Variants in CTNNA3 observed in about 807,000 individuals in gnomAD.
The protein encoded by CTNNA3 is catenin alpha-3.
CTNNA3 carries 76 observed loss-of-function variants against 95.7 expected under a neutral mutation model. The ratio of observed to expected loss-of-function variants is 0.79; its 90% CI spans 0.66 to 0.96. The LOEUF (loss-of-function observed/expected upper bound fraction) is 0.96. Among genes scored for constraint, CTNNA3 ranks in the 40% least tolerant of loss-of-function variants. The probability of loss-of-function intolerance (pLI) is 0.00; values close to 1 mark genes in which losing one functional copy is unlikely to be tolerated. For missense variants in CTNNA3, 1,191 were observed against 1,089.8 expected (o/e 1.09, Z -1.31); for synonymous variants, 431 against 374.4 (o/e 1.15, Z -1.74).
intron 10 of CTNNA3, among the ~76,000 whole-genome samples, chr10:66,526,232 C>T (rs940825787): frequency 6.6e-6 from 1 of 152,134 alleles, no homozygotes; most frequent in African/African-American, 2.4e-5. Flanking sequence ...GTCACCTATG[C>T]TGGAGTGTAG....
At chr10:66,407,816 C>T (rs528323268) in intron 11 of CTNNA3, among the ~76,000 whole-genome samples, 9 of 152,074 alleles carry the variant, frequency 5.9e-5, no homozygotes, top group Non-Finnish European at 8.8e-5. Context: ...CCTGACCTTG[C>T]GATCCACCCG....
intron 9 of CTNNA3, among the ~76,000 whole-genome samples, chr10:66,666,439 A>G (rs889813271): frequency 1.3e-5 from 2 of 152,308 alleles, no homozygotes; most frequent in Non-Finnish European, 2.9e-5. Context: ...AACTTATAAT[A>G]TTTAGCTAAA....
At position 67,567,453 on chromosome 10, in the gene CTNNA3, C is replaced by T. The variant is rs781568182; in HGVS notation, c.293-27784G>A. On this transcript the variant is annotated intron_variant, in intron 3 of 17. Transcript: ENST00000433211. ...ACTTGGAAGGGTGAGAGGGTTAGAGCGGAGAGGATAGTGAGAAATTGGTTA... is the reference window on the plus strand; with the variant it reads ...ACTTGGAAGGGTGAGAGGGTTAGAGTGGAGAGGATAGTGAGAAATTGGTTA... Among the ~76,000 whole-genome samples, 13 of 151,800 alleles carry T rather than the reference C, an allele frequency of 8.6e-5. 1 individual carries two copies. The highest frequency in any genetic ancestry group is 7.9e-4 in the Admixed American group (12 of 15,208).
chr10:66,110,965 A>G (rs1158100261), intron 13 of CTNNA3, among the ~76,000 whole-genome samples: 1 of 152,174 alleles, frequency 6.6e-6, no homozygotes, highest in Non-Finnish European at 1.5e-5. Context: ...ACACAGTGGT[A>G]AATATTTGTG....
chr10:67,752,080 T>C (rs1298712991), intron 1 of CTNNA3, among the ~76,000 whole-genome samples: 3 of 152,168 alleles, frequency 2.0e-5, no homozygotes, highest in Admixed American at 2.0e-4. Flanking sequence ...CTCAATAAAA[T>C]ACTGGCAAAC....
intron 16 of CTNNA3, among the ~76,000 whole-genome samples, chr10:65,970,169 C>T (rs527767214): frequency 3.9e-5 from 6 of 152,172 alleles, no homozygotes; most frequent in African/African-American, 1.4e-4. Context: ...TCATATCCCA[C>T]CAGGCTAAGC....
intron 1 of CTNNA3, among the ~76,000 whole-genome samples, chr10:67,691,677 G>A (rs867403887): frequency 2.3e-4 from 35 of 151,946 alleles, no homozygotes; most frequent in Middle Eastern, 3.4e-3. Context: ...TCTGAGAAGT[G>A]AGGAGCCCCT....
intron 7 of CTNNA3, among the ~76,000 whole-genome samples, chr10:67,058,760 G>A (rs527907428): frequency 6.6e-6 from 1 of 152,256 alleles, no homozygotes; most frequent in South Asian, 2.1e-4. Flanking sequence ...AAGGAATCGT[G>A]ACTAGACTTG....
At chr10:67,142,478 C>T (rs1860614842) in intron 7 of CTNNA3, among the ~76,000 whole-genome samples, 2 of 152,056 alleles carry the variant, frequency 1.3e-5, no homozygotes, top group African/African-American at 4.8e-5. Flanking sequence ...CTGCAGGTTT[C>T]GTATCAGACC....
intron 7 of CTNNA3, among the ~76,000 whole-genome samples, chr10:66,966,485 ATT>A (rs35922630): frequency 2.7e-5 from 4 of 150,684 alleles, no homozygotes; most frequent in African/African-American, 4.9e-5. Flanking sequence ...TATGTAATAT[ATT>A]TTTTTTTTCA....
intron 17 of CTNNA3, among the ~76,000 whole-genome samples, chr10:65,926,204 T>C (rs1282979177): frequency 6.6e-6 from 1 of 151,590 alleles, no homozygotes; most frequent in South Asian, 2.1e-4. Flanking sequence ...TAATTACATA[T>C]AAATATCACA....
chr10:65,957,401 T>C (rs2077753357), intron 17 of CTNNA3, among the ~76,000 whole-genome samples: 2 of 152,216 alleles, frequency 1.3e-5, no homozygotes, highest in African/African-American at 2.4e-5. Context: ...TTAAGGTTAA[T>C]ATTGTTATGT....
chr10:66,784,123 T>C (rs919634707), intron 7 of CTNNA3, among the ~76,000 whole-genome samples: 3 of 152,182 alleles, frequency 2.0e-5, no homozygotes, highest in Non-Finnish European at 4.4e-5. Flanking sequence ...CACCATAAAA[T>C]AAGAATACAA....
chr10:67,708,353 A>G (rs1321376138), intron 1 of CTNNA3, among the ~76,000 whole-genome samples: 1 of 152,134 alleles, frequency 6.6e-6, no homozygotes, highest in Non-Finnish European at 1.5e-5. Flanking sequence ...TCTTTTATCA[A>G]TTAATCACCA....
chr10:67,052,310 A>ATCTCTCTCTCTCTC (rs1238182355), intron 7 of CTNNA3, among the ~76,000 whole-genome samples: 11 of 92,752 alleles, frequency 1.2e-4, no homozygotes, highest in African/African-American at 2.2e-4. Context: ...ACACCCACTC[A>ATCTCTCTCTCTCTC]TCACTCTCTC....
intron 2 of CTNNA3, among the ~76,000 whole-genome samples, chr10:67,635,046 T>C (rs986662872): frequency 6.6e-6 from 1 of 152,068 alleles, no homozygotes; most frequent in Non-Finnish European, 1.5e-5. Context: ...TAATCACCTC[T>C]ATGCACATAA....
At chr10:67,622,321 C>T (rs536471326) in intron 2 of CTNNA3, among the ~76,000 whole-genome samples, 84 of 152,286 alleles carry the variant, frequency 5.5e-4, no homozygotes, top group Non-Finnish European at 8.2e-4. Flanking sequence ...CAATTATATC[C>T]TAAAGCTAAG....
intron 5 of CTNNA3, among the ~76,000 whole-genome samples, chr10:67,344,564 T>G (rs1426002920): frequency 6.6e-6 from 1 of 152,126 alleles, no homozygotes; most frequent in Non-Finnish European, 1.5e-5. Flanking sequence ...TTCTTCATGG[T>G]TCAATCTTGA....
At chr10:67,010,128 C>G (rs1372294218) in intron 7 of CTNNA3, among the ~76,000 whole-genome samples, 4 of 152,198 alleles carry the variant, frequency 2.6e-5, no homozygotes, top group African/African-American at 9.6e-5. Flanking sequence ...CTAACTAGTA[C>G]TATGGCATTA....
Sources: allele counts gnomAD v4.1 joint callset (sites outside exome capture counted in the v4.1 genomes callset), GRCh38; gene constraint gnomAD v4.1.1; transcripts MANE v1.5; gene names NCBI Gene and HGNC (gene_info 2026-07-23, HGNC 2026-07-21).